The following CCDC148 variants were observed in gnomAD, a reference collection of about 807,000 sequenced individuals.
CCDC148 encodes coiled-coil domain-containing protein 148.
A neutral mutation model predicts 85.7 loss-of-function variants in CCDC148; 89 were observed. The ratio of observed to expected loss-of-function variants is 1.04; its 90% CI spans 0.87 to 1.24. CCDC148 has a LOEUF of 1.24. CCDC148 is among the 50% of genes most tolerant of loss of function. The pLI, the probability that CCDC148 is intolerant of heterozygous loss-of-function variation, is 0.00. For missense variants in CCDC148, 692 were observed against 671.7 expected (o/e 1.03, Z -0.33); for synonymous variants, 230 against 213.9 (o/e 1.08, Z -0.66).
Position 158,172,262 on chromosome 2 carries a change from G to A in CCDC148, c.1630-3C>T. On this transcript the variant is annotated splice_region_variant and splice_polypyrimidine_tract_variant and intron_variant, in intron 13 of 13. Coordinates refer to ENST00000283233, the MANE Select transcript of CCDC148 (RefSeq NM_138803.4). ...CGAAGTCTAGGGTCAGAAATTATCTGTAGAAATAAAAATACAATTTAAATA... is the reference window on the plus strand; with the variant it reads ...CGAAGTCTAGGGTCAGAAATTATCTATAGAAATAAAAATACAATTTAAATA... 1 of 1,586,926 alleles carries A rather than the reference G, an allele frequency of 6.3e-7. No homozygotes were observed.
intron 10 of CCDC148, among the ~76,000 whole-genome samples, chr2:158,224,822 A>G (rs1380896305): frequency 6.6e-6 from 1 of 152,174 alleles, no homozygotes. Flanking sequence ...ATGGAAAGGA[A>G]CAACCGGTAC....
At chr2:158,276,166 C>T (rs1056371201) in intron 9 of CCDC148, among the ~76,000 whole-genome samples, 145 of 152,232 alleles carry the variant, frequency 9.5e-4, no homozygotes, top group African/African-American at 3.3e-3. Flanking sequence ...CTCAGTGGCT[C>T]ACGCCTGTAA....
chr2:158,301,746 A>C (rs983367021), intron 9 of CCDC148, among the ~76,000 whole-genome samples: 2 of 152,220 alleles, frequency 1.3e-5, no homozygotes, highest in Admixed American at 6.5e-5. Flanking sequence ...GATCGTCAAC[A>C]GGGAAGTGAA....
intron 1 of CCDC148, among the ~76,000 whole-genome samples, chr2:158,399,214 A>G (rs747494918): frequency 6.6e-6 from 1 of 152,204 alleles, no homozygotes; most frequent in Non-Finnish European, 1.5e-5. Context: ...AGCTGGTACC[A>G]TTCCTTCTGA....
At chr2:158,352,461 G>C (rs1369696510) in intron 2 of CCDC148, among the ~76,000 whole-genome samples, 1 of 152,204 alleles carries the variant, frequency 6.6e-6, no homozygotes, top group African/African-American at 2.4e-5. Context: ...CGATCAGCTG[G>C]AAGAAAGGGT....
At chr2:158,415,528 C>T (rs201609779) in intron 1 of CCDC148, among the ~76,000 whole-genome samples, 985 of 94,866 alleles carry the variant, frequency 0.01, no homozygotes, top group South Asian at 0.016. Context: ...CCCTTCTCAA[C>T]AGTCCCCCAA....
At chr2:158,307,062 C>G (rs1691728182) in intron 9 of CCDC148, among the ~76,000 whole-genome samples, 1 of 150,850 alleles carries the variant, frequency 6.6e-6, no homozygotes, top group African/African-American at 2.4e-5. Flanking sequence ...TAACATATCT[C>G]AAAGACATTT....
At chr2:158,423,778 C>T (rs1026222701) in intron 1 of CCDC148, among the ~76,000 whole-genome samples, 14 of 152,152 alleles carry the variant, frequency 9.2e-5, no homozygotes, top group African/African-American at 2.7e-4. Context: ...AGTGAACAGG[C>T]AACCTACAGA....
rs114282086 is a variant in CCDC148 at position 158,367,802 on chromosome 2, C to T, written c.26-9232G>A. ...ATATATAAATCATGTATAATTTCTACTTGCCTTTCAAAAACATTGAGGGCC... is the reference window on the plus strand; with the variant it reads ...ATATATAAATCATGTATAATTTCTATTTGCCTTTCAAAAACATTGAGGGCC... On this transcript the variant is annotated intron_variant, in intron 1 of 13. Transcript: ENST00000283233. 8.1e-3 allele frequency among the ~76,000 whole-genome samples: 1,233 copies of T among 152,212 alleles called. 16 individuals are homozygous for T. Among genetic ancestry groups the T allele is most frequent in the African/African-American group, 0.028 (1,152 of 41,544 alleles).
At chr2:158,282,390 G>T (rs1690367925) in intron 9 of CCDC148, among the ~76,000 whole-genome samples, 2 of 152,198 alleles carry the variant, frequency 1.3e-5, no homozygotes, top group Admixed American at 1.3e-4. Flanking sequence ...CATTGTCTCA[G>T]ACCAAAATCT....
intron 7 of CCDC148, among the ~76,000 whole-genome samples, chr2:158,324,774 T>C (rs1692687146): frequency 6.6e-6 from 1 of 152,182 alleles, no homozygotes; most frequent in South Asian, 2.1e-4. Flanking sequence ...TTTTCATTGC[T>C]TTGATGAGTA....
intron 9 of CCDC148, among the ~76,000 whole-genome samples, chr2:158,300,781 C>G (rs557830905): frequency 6.6e-6 from 1 of 152,296 alleles, no homozygotes; most frequent in South Asian, 2.1e-4. Flanking sequence ...AAAACCTGGA[C>G]AGCCATGCCA....
At chr2:158,322,636 G>C (rs772214501) in intron 7 of CCDC148, among the ~76,000 whole-genome samples, 30 of 151,686 alleles carry the variant, frequency 2.0e-4, no homozygotes, top group Non-Finnish European at 3.5e-4. Flanking sequence ...ATGCACAAAA[G>C]GAAAAGCTCA....
chr2:158,282,499 G>A (rs1690375094), intron 9 of CCDC148, among the ~76,000 whole-genome samples: 1 of 152,106 alleles, frequency 6.6e-6, no homozygotes, highest in East Asian at 1.9e-4. Context: ...CCAACAGAGA[G>A]CCAAATCATG....
chr2:158,215,346 C>G (rs2105296110), intron 11 of CCDC148, among the ~76,000 whole-genome samples: 1 of 151,916 alleles, frequency 6.6e-6, no homozygotes, highest in South Asian at 2.1e-4. Flanking sequence ...GCAGAGATAC[C>G]ATGTATCATT....
At chr2:158,302,251 T>C (rs955668288) in intron 9 of CCDC148, among the ~76,000 whole-genome samples, 10 of 152,112 alleles carry the variant, frequency 6.6e-5, no homozygotes, top group African/African-American at 1.7e-4. Flanking sequence ...AATGACTGAA[T>C]TTTCTTGCTA....
intron 1 of CCDC148, among the ~76,000 whole-genome samples, chr2:158,372,071 C>T (rs1168552099): frequency 7.2e-5 from 11 of 152,094 alleles, no homozygotes; most frequent in African/African-American, 2.4e-4. Flanking sequence ...TAAAAGGGCC[C>T]AGTTTCCATG....
intron 11 of CCDC148, among the ~76,000 whole-genome samples, chr2:158,185,427 T>A (rs888716608): frequency 1.3e-5 from 2 of 152,134 alleles, no homozygotes; most frequent in Non-Finnish European, 2.9e-5. Context: ...TAAATAGAGA[T>A]ATGAACCACC....
chr2:158,211,762 T>A (rs1016155166), intron 11 of CCDC148, among the ~76,000 whole-genome samples: 2 of 152,204 alleles, frequency 1.3e-5, no homozygotes, highest in African/African-American at 4.8e-5. Flanking sequence ...TGAATGACCT[T>A]CAGCTGTGCC....
Sources: gnomAD v4.1 joint callset for allele counts (sites outside exome capture counted in the v4.1 genomes callset) on GRCh38, gnomAD v4.1.1 for gene constraint, MANE v1.5 for transcripts, NCBI Gene and HGNC (gene_info 2026-07-23, HGNC 2026-07-21) for gene names.